ZDHHC17: variants seen among roughly 807,000 people sequenced by gnomAD.
ZDHHC17 encodes the protein palmitoyltransferase ZDHHC17.
In ZDHHC17, 40 loss-of-function variants were observed where a neutral mutation model predicts 90.3. The ratio of observed to expected loss-of-function variants is 0.44; its 90% confidence interval spans 0.34 to 0.58. The LOEUF (loss-of-function observed/expected upper bound fraction) is 0.58, where lower values mean the gene tolerates loss of function less well. ZDHHC17 is among the 20% of genes least tolerant of loss of function. ZDHHC17 has a pLI of 0.01. For synonymous variants in ZDHHC17, 235 were observed against 252.4 expected, an observed-to-expected ratio of 0.93 and a Z score of 0.65; for missense variants, 614 against 780.8, an observed-to-expected ratio of 0.79 and a Z score of 2.55.
chr12:76,804,568 G>T (rs1952932496), intron 2 of ZDHHC17, among the ~76,000 whole-genome samples: 1 of 152,208 alleles, frequency 6.6e-6, no homozygotes, highest in Non-Finnish European at 1.5e-5. Context: ...CACAATAAGT[G>T]AACAGAATGT....
chr12:76,815,647 A>G (rs1024011629), intron 6 of ZDHHC17, among the ~76,000 whole-genome samples: 2 of 151,866 alleles, frequency 1.3e-5, no homozygotes, highest in Non-Finnish European at 2.9e-5. Flanking sequence ...CCCTGAAACT[A>G]TTAATATATT....
At chr12:76,783,289 A>G (rs1156660886) in intron 1 of ZDHHC17, among the ~76,000 whole-genome samples, 2 of 152,224 alleles carry the variant, frequency 1.3e-5, no homozygotes, top group Non-Finnish European at 2.9e-5. Flanking sequence ...TATAAAGGAA[A>G]GAGATTTAAT....
At chr12:76,827,382 C>T (rs1345280465) in intron 9 of ZDHHC17, among the ~76,000 whole-genome samples, 4 of 152,044 alleles carry the variant, frequency 2.6e-5, no homozygotes, top group Non-Finnish European at 4.4e-5. Context: ...CTTGAGCTCG[C>T]CTTTCTATAG....
chr12:76,848,607 CTG>C (rs1304573438), intron 15 of ZDHHC17, among the ~76,000 whole-genome samples: 12 of 152,144 alleles, frequency 7.9e-5, no homozygotes, highest in Non-Finnish European at 1.6e-4. Flanking sequence ...AAATTTTAAT[CTG>C]TTATTCCTGA....
intron 7 of ZDHHC17, among the ~76,000 whole-genome samples, chr12:76,819,510 G>A (rs925673774): frequency 1.4e-4 from 22 of 152,106 alleles, no homozygotes; most frequent in African/African-American, 4.3e-4. Context: ...GAAAAATTAC[G>A]CTTTGTGTTA....
At chr12:76,766,992 C>T (rs1952438387) in intron 1 of ZDHHC17, among the ~76,000 whole-genome samples, 1 of 148,028 alleles carries the variant, frequency 6.8e-6, no homozygotes, top group African/African-American at 2.5e-5. Context: ...GTACTCCATC[C>T]TGGGTGACAG....
intron 10 of ZDHHC17, among the ~76,000 whole-genome samples, chr12:76,834,453 C>G (rs766297221): frequency 6.6e-6 from 1 of 152,036 alleles, no homozygotes; most frequent in African/African-American, 2.4e-5. Flanking sequence ...ATTAAAAAAT[C>G]AAGAATGTGC....
chr12:76,790,061 CTGT>C (rs1952741671), intron 1 of ZDHHC17, among the ~76,000 whole-genome samples: 1 of 152,138 alleles, frequency 6.6e-6, no homozygotes, highest in Non-Finnish European at 1.5e-5. Flanking sequence ...ATACTGTTAG[CTGT>C]TGTTAATAGG....
intron 1 of ZDHHC17, among the ~76,000 whole-genome samples, chr12:76,795,029 A>G (rs375530903): frequency 2.0e-5 from 3 of 152,162 alleles, no homozygotes; most frequent in East Asian, 1.9e-4. Context: ...GCTCTTGCTT[A>G]TAATATTTGA....
chr12:76,852,792 G>A lies in ZDHHC17; in HGVS notation c.*1807G>A, dbSNP rs921022025. On this transcript the variant is annotated 3_prime_UTR_variant, in exon 17 of 17. Transcript: ENST00000426126. The stretch of plus-strand genomic sequence containing the variant: ...ATGTACTTTATTTTTGAAAAGGGAA[G>A]AGATGGGTGTGGGGTGGCAATAGCA... The A allele has an allele frequency of 6.6e-6, 1 of 152,576 alleles. No homozygotes were observed. The highest frequency in any genetic ancestry group is 1.5e-5 in the Non-Finnish European group (1 of 68,028). The allele number at this position is 152,576 out of a possible 1,614,324, so 9.5% of individuals were successfully genotyped here.
At chr12:76,805,784 G>T (rs917468250) in intron 3 of ZDHHC17, among the ~76,000 whole-genome samples, 1 of 152,150 alleles carries the variant, frequency 6.6e-6, no homozygotes, top group Non-Finnish European at 1.5e-5. Flanking sequence ...GCTAATAAAG[G>T]TTGGAGTCAG....
chr12:76,776,276 G>GT (rs1336586901), intron 1 of ZDHHC17, among the ~76,000 whole-genome samples: 5 of 151,634 alleles, frequency 3.3e-5, no homozygotes, highest in African/African-American at 9.7e-5. Flanking sequence ...TTCAGCATGG[G>GT]TTTTTTTTAG....
intron 13 of ZDHHC17, chr12:76,846,372 A>T (rs1953494744): frequency 2.1e-6 from 1 of 486,560 alleles, no homozygotes; most frequent in Non-Finnish European, 3.6e-6. Flanking sequence ...GTTCTTTGGG[A>T]CTTGAACACC....
chr12:76,851,548 T>C lies in ZDHHC17; in HGVS notation c.*563T>C, dbSNP rs1953568271. 1 of 152,880 alleles carries C rather than the reference T, an allele frequency of 6.5e-6. No homozygotes were observed. Among genetic ancestry groups the C allele is most frequent in the Non-Finnish European group, 1.5e-5 (1 of 68,220 alleles). The allele number at this position is 152,880 out of a possible 1,614,324, so 9.5% of individuals were successfully genotyped here. On this transcript the variant is annotated 3_prime_UTR_variant, in exon 17 of 17. Transcript: ENST00000426126. Reference sequence around the variant, plus strand: ...AGGCAGGAGAAAATAATGTTCACAATAAAATGTGCTAACAATGTTTTGTTT... The same window carrying C: ...AGGCAGGAGAAAATAATGTTCACAACAAAATGTGCTAACAATGTTTTGTTT...
At position 76,784,261 on chromosome 12, in the gene ZDHHC17, C is replaced by G. The variant is rs1456695544; in HGVS notation, c.94-13173C>G. On this transcript the variant is annotated intron_variant, in intron 1 of 16. Coordinates refer to ENST00000426126, the MANE Select transcript of ZDHHC17 (RefSeq NM_015336.4). Reference sequence around the variant, plus strand: ...TAGTTGTAACATGTCTAAACCATATCTAGTTTGAGGCATTAAGGAGGATAA... The same window carrying G: ...TAGTTGTAACATGTCTAAACCATATGTAGTTTGAGGCATTAAGGAGGATAA... 2.6e-5 allele frequency among the ~76,000 whole-genome samples: 4 copies of G among 152,236 alleles called. No individual in the cohort carries two copies. In the East Asian group the frequency reaches 5.8e-4, roughly 22 times the overall value.
chr12:76,817,469 G>A (rs1023004344), intron 7 of ZDHHC17, among the ~76,000 whole-genome samples: 1 of 149,030 alleles, frequency 6.7e-6, no homozygotes, highest in Admixed American at 6.7e-5. Context: ...GTAAGACTCT[G>A]TAGACCTTCT....
At chr12:76,827,535 A>T (rs1953244206) in intron 9 of ZDHHC17, among the ~76,000 whole-genome samples, 1 of 151,980 alleles carries the variant, frequency 6.6e-6, no homozygotes, top group Non-Finnish European at 1.5e-5. Context: ...TTCTTTAAAC[A>T]TCATGATCAT....
chr12:76,793,952 C>T (rs1028753687), intron 1 of ZDHHC17, among the ~76,000 whole-genome samples: 5 of 152,116 alleles, frequency 3.3e-5, no homozygotes, highest in Non-Finnish European at 5.9e-5. Context: ...GTGGCGCGAT[C>T]GTGGCTCACT....
At chr12:76,777,478 A>G (rs1003069438) in intron 1 of ZDHHC17, among the ~76,000 whole-genome samples, 3 of 152,216 alleles carry the variant, frequency 2.0e-5, no homozygotes, top group African/African-American at 7.2e-5. Context: ...GTTATTAGAA[A>G]TTAAACTGCT....
Sources: allele counts gnomAD v4.1 joint callset (sites outside exome capture counted in the v4.1 genomes callset), GRCh38; gene constraint gnomAD v4.1.1; transcripts MANE v1.5; gene names NCBI Gene and HGNC (gene_info 2026-07-23, HGNC 2026-07-21).